RAB10: variants seen among roughly 807,000 people sequenced by gnomAD.
RAB10 encodes the protein RAB10, member RAS oncogene family.
A neutral mutation model predicts 25.7 loss-of-function variants in RAB10; 5 were observed. That is an observed-to-expected ratio of 0.19 (90% CI 0.10 to 0.41). RAB10 has a LOEUF of 0.41. RAB10 is among the 10% of genes least tolerant of loss of function. The pLI, the probability that RAB10 is intolerant of heterozygous loss-of-function variation, is 1.00. For missense variants in RAB10, 103 were observed against 245.8 expected, an observed-to-expected ratio of 0.42 and a Z score of 3.89; for synonymous variants, 89 against 86.4, an observed-to-expected ratio of 1.03 and a Z score of -0.16.
At chr2:26,098,358 G>A (rs969142711) in intron 1 of RAB10, among the ~76,000 whole-genome samples, 7 of 151,950 alleles carry the variant, frequency 4.6e-5, no homozygotes, top group Non-Finnish European at 7.4e-5. Context: ...GGCTGGTCTC[G>A]AACGCCTGGG....
intron 3 of RAB10, among the ~76,000 whole-genome samples, chr2:26,117,607 G>A (rs189369790): frequency 2.2e-5 from 3 of 134,044 alleles, no homozygotes; most frequent in African/African-American, 5.6e-5. Context: ...GCGACAGAGC[G>A]AGACTCCGTC....
At chr2:26,110,255 T>C (rs1667542419) in intron 3 of RAB10, among the ~76,000 whole-genome samples, 1 of 151,414 alleles carries the variant, frequency 6.6e-6, no homozygotes, top group African/African-American at 2.4e-5. Context: ...GGAGAATCTC[T>C]TGAACCTGGG....
intron 1 of RAB10, among the ~76,000 whole-genome samples, chr2:26,084,532 G>T (rs1666936743): frequency 6.6e-6 from 1 of 152,114 alleles, no homozygotes; most frequent in Non-Finnish European, 1.5e-5. Flanking sequence ...TTTGGTACAT[G>T]GTACGTGTTT....
chr2:26,085,723 A>G (rs6723282), intron 1 of RAB10, among the ~76,000 whole-genome samples: 151,899 of 152,168 alleles, frequency 1, 75,815 homozygotes, highest in Middle Eastern at 1. Context: ...GAGACTGGGC[A>G]CAGTGGCTCA....
chr2:26,135,103 ACT>A lies in RAB10; in HGVS notation c.*85_*86del. 1 of 1,089,368 alleles carries A rather than the reference ACT, an allele frequency of 9.2e-7. No homozygotes were observed. Among genetic ancestry groups the A allele is most frequent in the Non-Finnish European group, 1.3e-6 (1 of 765,912 alleles). 67.5% of individuals were successfully genotyped at this position (1,089,368 alleles called of 1,614,324 possible). ...AAATAAACCACTCTGTCCATTTTTA[ACT>A]CTAAACAGATATTTTTGTTTCTCAT... On this transcript the variant is annotated 3_prime_UTR_variant, in exon 6 of 6. Transcript: ENST00000264710.
At chr2:26,067,275 T>A (rs1162558802) in intron 1 of RAB10, among the ~76,000 whole-genome samples, 1 of 152,164 alleles carries the variant, frequency 6.6e-6, no homozygotes, top group Non-Finnish European at 1.5e-5. Flanking sequence ...TTTAAATATA[T>A]ACTTGAGTGC....
intron 1 of RAB10, among the ~76,000 whole-genome samples, chr2:26,057,448 A>T (rs78151075): frequency 6.6e-6 from 1 of 151,648 alleles, no homozygotes; most frequent in South Asian, 2.1e-4. Context: ...AAAAAAAAAA[A>T]TTAAAAAATA....
intron 1 of RAB10, among the ~76,000 whole-genome samples, chr2:26,062,696 A>AAATAAATG (rs1666429538): frequency 6.6e-6 from 1 of 151,346 alleles, no homozygotes; most frequent in Admixed American, 6.6e-5. Context: ...ATAAATAAAT[A>AAATAAATG]AATAAATAAA....
chr2:26,046,397 T>G (rs1666004143), intron 1 of RAB10, among the ~76,000 whole-genome samples: 1 of 152,100 alleles, frequency 6.6e-6, no homozygotes, highest in Admixed American at 6.5e-5. Flanking sequence ...AAACTCAGTC[T>G]TAAGGGAAAT....
At chr2:26,118,556 T>C (rs1667740141) in intron 3 of RAB10, among the ~76,000 whole-genome samples, 1 of 152,220 alleles carries the variant, frequency 6.6e-6, no homozygotes. Flanking sequence ...TTCATTATTA[T>C]TAAACTTCAA....
intron 1 of RAB10, among the ~76,000 whole-genome samples, chr2:26,063,997 A>G (rs1666462823): frequency 6.6e-6 from 1 of 152,048 alleles, no homozygotes; most frequent in South Asian, 2.1e-4. Context: ...ATGGGATTTC[A>G]CTATGTGTTG....
intron 1 of RAB10, among the ~76,000 whole-genome samples, chr2:26,081,542 CT>C (rs1357690634): frequency 6.6e-6 from 1 of 152,116 alleles, no homozygotes; most frequent in East Asian, 1.9e-4. Context: ...GAATTGGATC[CT>C]GAAACATAAA....
intron 3 of RAB10, among the ~76,000 whole-genome samples, chr2:26,125,470 A>G (rs1185391953): frequency 1.4e-5 from 2 of 140,030 alleles, no homozygotes; most frequent in Non-Finnish European, 3.0e-5. Context: ...TTTTCCAGAC[A>G]GGTTCTTGCT....
intron 1 of RAB10, among the ~76,000 whole-genome samples, chr2:26,094,345 G>A (rs1441091236): frequency 1.4e-4 from 22 of 151,840 alleles, no homozygotes; most frequent in African/African-American, 4.4e-4. Context: ...TCCACCTCCC[G>A]GGTTCAAGCA....
chr2:26,061,339 A>ACTCCTGAG (rs1412703787), intron 1 of RAB10, among the ~76,000 whole-genome samples: 1 of 150,318 alleles, frequency 6.7e-6, no homozygotes, highest in East Asian at 2.0e-4. Flanking sequence ...CTGGTGTTGA[A>ACTCCTGAG]CTCCTGAGCT....
At chr2:26,121,558 A>G (rs1667803434) in intron 3 of RAB10, among the ~76,000 whole-genome samples, 1 of 152,246 alleles carries the variant, frequency 6.6e-6, no homozygotes, top group African/African-American at 2.4e-5. Context: ...AAACTCACAG[A>G]CAAGCCACAT....
At chr2:26,127,018 G>A (rs1667922085) in intron 3 of RAB10, 126 bp from the exon 4 acceptor site, 1 of 675,096 alleles carries the variant, frequency 1.5e-6, no homozygotes, top group Non-Finnish European at 2.5e-6. Context: ...TAGTTTTAGG[G>A]TGACTGCTTT....
chr2:26,120,913 A>G (rs1416515425), intron 3 of RAB10, among the ~76,000 whole-genome samples: 1 of 146,052 alleles, frequency 6.8e-6, no homozygotes, highest in Admixed American at 6.9e-5. Flanking sequence ...ATAGTATATT[A>G]TAATTTTTTT....
At chr2:26,082,371 A>G (rs1209645162) in intron 1 of RAB10, among the ~76,000 whole-genome samples, 2 of 152,252 alleles carry the variant, frequency 1.3e-5, no homozygotes, top group East Asian at 1.9e-4. Flanking sequence ...GGAGTGCTAT[A>G]TTAATATTAG....
Sources: allele counts gnomAD v4.1 joint callset (sites outside exome capture counted in the v4.1 genomes callset), GRCh38; gene constraint gnomAD v4.1.1; transcripts MANE v1.5; gene names NCBI Gene and HGNC (gene_info 2026-07-23, HGNC 2026-07-21).